SLC5A11: variants seen among roughly 807,000 people sequenced by gnomAD.
SLC5A11 encodes the protein solute carrier family 5 member 11, also known as sodium/myo-inositol cotransporter 2.
SLC5A11 carries 48 observed loss-of-function variants against 69.8 expected under a neutral mutation model. That is an observed-to-expected ratio of 0.69 (90% CI 0.55 to 0.87). SLC5A11 has a LOEUF of 0.87. Ranked by LOEUF, SLC5A11 falls within the 40% of genes least tolerant of loss-of-function variation. The probability of loss-of-function intolerance (pLI) is 0.00; values close to 1 mark genes in which losing one functional copy is unlikely to be tolerated. For missense variants in SLC5A11, 784 were observed against 866.1 expected, an observed-to-expected ratio of 0.91 and a Z score of 1.19; for synonymous variants, 319 against 342.4, an observed-to-expected ratio of 0.93 and a Z score of 0.75.
At chr16:24,860,713 TG>T (rs1308182003) in intron 2 of SLC5A11, among the ~76,000 whole-genome samples, 8 of 152,046 alleles carry the variant, frequency 5.3e-5, no homozygotes, top group African/African-American at 9.7e-5. Context: ...TTTTGTTTTT[TG>T]TTTTTTGTTT....
chr16:24,855,081 C>T lies in SLC5A11; in HGVS notation c.-24-3539C>T, dbSNP rs114740167. ...CTGGGCTCAAGTGATCCTCCTGCCT[C>T]AGCCTCCCAAGGTGGTAGGATTATA... On this transcript the variant is annotated intron_variant, in intron 1 of 15. Coordinates refer to ENST00000347898, the Ensembl canonical transcript of SLC5A11. 9.8e-3 allele frequency among the ~76,000 whole-genome samples: 1,485 copies of T among 152,174 alleles called. 26 individuals carry two copies. The highest frequency in any genetic ancestry group is 0.033 in the African/African-American group (1,383 of 41,518).
chr16:24,906,746 C>A, exon 11 of SLC5A11: 2 of 1,612,916 alleles, frequency 1.2e-6, no homozygotes, highest in Non-Finnish European at 1.7e-6. Context: ...CAAACTCGTG[C>A]TGGAACTCCT....
intron 1 of SLC5A11, among the ~76,000 whole-genome samples, chr16:24,849,640 G>A (rs1208443216): frequency 1.6e-5 from 2 of 124,550 alleles, no homozygotes; most frequent in South Asian, 2.7e-4. Context: ...GAGATGCCAC[G>A]TTGGCATTTG....
At chr16:24,858,662 A>G in exon 2 of SLC5A11, 1 of 1,610,256 alleles carries the variant, frequency 6.2e-7, no homozygotes. Flanking sequence ...CGGCACCAGC[A>G]GCCCTCAGCC....
At chr16:24,872,080 C>T in intron 4 of SLC5A11, 80 bp from the exon 6 acceptor site, 2 of 1,548,666 alleles carry the variant, frequency 1.3e-6, no homozygotes, top group Non-Finnish European at 1.8e-6. Context: ...GGCCAGGCTG[C>T]CTCAGGGCGC....
chr16:24,896,340 T>A (rs1016080925), intron 9 of SLC5A11, among the ~76,000 whole-genome samples: 2 of 152,022 alleles, frequency 1.3e-5, no homozygotes, highest in Non-Finnish European at 2.9e-5. Context: ...ATAAAAATTT[T>A]AAAAATTAGC....
At chr16:24,867,164 A>AC (rs1377696190) in intron 3 of SLC5A11, among the ~76,000 whole-genome samples, 65 of 152,322 alleles carry the variant, frequency 4.3e-4, no homozygotes, top group African/African-American at 1.5e-3. Flanking sequence ...AAAATGATTG[A>AC]AATAATACAA....
chr16:24,903,872 A>G (rs2049828132), intron 10 of SLC5A11, among the ~76,000 whole-genome samples: 1 of 152,174 alleles, frequency 6.6e-6, no homozygotes, highest in Admixed American at 6.5e-5. Flanking sequence ...TTGGATATGT[A>G]TTAATCCATT....
At chr16:24,900,054 T>C (rs968259898) in intron 10 of SLC5A11, among the ~76,000 whole-genome samples, 3 of 152,086 alleles carry the variant, frequency 2.0e-5, no homozygotes, top group African/African-American at 7.2e-5. Flanking sequence ...TCTAGAGCAT[T>C]TGCTTTAGTT....
At chr16:24,910,020 G>T (rs1237891893) in intron 14 of SLC5A11, among the ~76,000 whole-genome samples, 1 of 152,036 alleles carries the variant, frequency 6.6e-6, no homozygotes, top group African/African-American at 2.4e-5. Flanking sequence ...CAATACTCTA[G>T]GGTGAGGGTT....
intron 13 of SLC5A11, among the ~76,000 whole-genome samples, 197 bp from the exon 15 acceptor site, chr16:24,908,684 A>G (rs1488824150): frequency 2.0e-5 from 3 of 151,882 alleles, no homozygotes; most frequent in Non-Finnish European, 4.4e-5. Context: ...AGCTAAATTA[A>G]GAGGGAGTTA....
rs1358672242 is a variant in SLC5A11, at chr16:24,890,523, GGAAGGAAA to G, written c.665-342_665-335del. Among the ~76,000 whole-genome samples the G allele has an allele frequency of 1.4e-3, 168 of 123,886 alleles. 2 individuals carry two copies. The highest frequency in any genetic ancestry group is 5.1e-3 in the African/African-American group (156 of 30,848). 81.3% of individuals were successfully genotyped at this position (123,886 alleles called of 152,430 possible). On this transcript the variant is annotated intron_variant, in intron 8 of 15. Coordinates refer to ENST00000347898, the Ensembl canonical transcript of SLC5A11. ...AAAAAAAAAAAAAAAAAAGAAGGAA[GGAAGGAAA>G]GAAAGGAAGGAAGAAAGAAAGAAAG...
At chr16:24,877,126 G>T in intron 6 of SLC5A11, 132 bp from the exon 8 acceptor site, 1 of 1,511,002 alleles carries the variant, frequency 6.6e-7, no homozygotes, top group South Asian at 1.3e-5. Flanking sequence ...GGATTAACAA[G>T]GGATGACGTA....
intron 10 of SLC5A11, among the ~76,000 whole-genome samples, chr16:24,898,510 C>CT (rs111368545): frequency 0.36 from 50,747 of 141,520 alleles, 8,970 homozygotes; most frequent in Non-Finnish European, 0.41. Context: ...ATGCCCAGTC[C>CT]TTTTTTTTTT....
chr16:24,857,939 C>G lies in SLC5A11; in HGVS notation c.-24-681C>G, dbSNP rs117882251. ...ATGGATTTGCAGGGTACTGAGAAAA[C>G]TGCTTAGATTAGTGGCTCAAAGCAT... is the stretch of plus-strand genomic sequence containing the variant. On this transcript the variant is annotated intron_variant, in intron 1 of 15. Transcript: ENST00000347898. 3.1e-3 allele frequency among the ~76,000 whole-genome samples: 465 copies of G among 152,286 alleles called. 1 individual carries two copies. Among genetic ancestry groups the G allele is most frequent in the Middle Eastern group, 0.01 (3 of 294 alleles).
At chr16:24,850,117 T>A (rs2059234924) in intron 1 of SLC5A11, among the ~76,000 whole-genome samples, 1 of 151,696 alleles carries the variant, frequency 6.6e-6, no homozygotes, top group Non-Finnish European at 1.5e-5. Context: ...TTTAAAAATT[T>A]GTTGTAGAGG....
At chr16:24,881,753 T>A (rs1213155230) in intron 7 of SLC5A11, among the ~76,000 whole-genome samples, 1 of 152,128 alleles carries the variant, frequency 6.6e-6, no homozygotes, top group African/African-American at 2.4e-5. Context: ...AATGGTTATG[T>A]AGGCTGTGCC....
At chr16:24,873,425 G>A (rs2047464249) in intron 5 of SLC5A11, among the ~76,000 whole-genome samples, 1 of 152,082 alleles carries the variant, frequency 6.6e-6, no homozygotes, top group African/African-American at 2.4e-5. Context: ...GAAGCCAGGA[G>A]TTTGAGACCA....
chr16:24,849,572 C>CAAAA (rs1182615959), intron 1 of SLC5A11, among the ~76,000 whole-genome samples: 20 of 38,474 alleles, frequency 5.2e-4, no homozygotes, highest in South Asian at 1.8e-3. Flanking sequence ...GCCTTGGGGG[C>CAAAA]AAAAAAAAAA....
Sources: gnomAD v4.1 joint callset for allele counts (sites outside exome capture counted in the v4.1 genomes callset) on GRCh38, gnomAD v4.1.1 for gene constraint, MANE v1.5 for transcripts, NCBI Gene and HGNC (gene_info 2026-07-23, HGNC 2026-07-21) for gene names.